Variants in PRIMA1 observed in about 807,000 individuals in gnomAD.
The protein encoded by PRIMA1 is proline-rich membrane anchor 1.
PRIMA1 carries 7 observed loss-of-function variants against 17.5 expected under a neutral mutation model. The ratio of observed to expected loss-of-function variants is 0.40; its 90% CI spans 0.23 to 0.75. The LOEUF (loss-of-function observed/expected upper bound fraction) is 0.75. Ranked by LOEUF, PRIMA1 falls within the 30% of genes least tolerant of loss-of-function variation. The pLI, the probability that PRIMA1 is intolerant of heterozygous loss-of-function variation, is 0.37. For synonymous variants in PRIMA1, 97 were observed against 77.9 expected (o/e 1.25, Z -1.29); for missense variants, 200 against 201.8 (o/e 0.99, Z 0.05).
At chr14:93,758,043 T>G (rs1365424348) in intron 3 of PRIMA1, among the ~76,000 whole-genome samples, 2 of 150,652 alleles carry the variant, frequency 1.3e-5, no homozygotes, top group African/African-American at 4.9e-5. Context: ...TACGGGGGGG[T>G]TCCCATGGAA....
intron 4 of PRIMA1, among the ~76,000 whole-genome samples, chr14:93,731,010 G>C (rs1176596082): frequency 1.3e-5 from 2 of 152,070 alleles, no homozygotes; most frequent in Admixed American, 6.5e-5. Context: ...ACCTGGAGAG[G>C]AGCATGGAGC....
At chr14:93,734,861 G>T (rs1413570858) in intron 4 of PRIMA1, among the ~76,000 whole-genome samples, 3 of 152,150 alleles carry the variant, frequency 2.0e-5, no homozygotes, top group African/African-American at 7.2e-5. Context: ...AGAGCTCAGA[G>T]AAAGTGGAAG....
At chr14:93,747,920 GT>G (rs1419070866) in intron 3 of PRIMA1, among the ~76,000 whole-genome samples, 15 of 43,472 alleles carry the variant, frequency 3.5e-4, no homozygotes, top group African/African-American at 4.5e-4. Context: ...GGGGGACTGT[GT>G]GGAGTGTGAT....
intron 4 of PRIMA1, among the ~76,000 whole-genome samples, chr14:93,721,926 A>G (rs1338803965): frequency 6.6e-6 from 1 of 152,260 alleles, no homozygotes; most frequent in Non-Finnish European, 1.5e-5. Context: ...AGTTAACAGA[A>G]GAGAAGTGCT....
At chr14:93,783,788 C>T (rs1209417792) in intron 2 of PRIMA1, among the ~76,000 whole-genome samples, 2 of 152,150 alleles carry the variant, frequency 1.3e-5, no homozygotes, top group Non-Finnish European at 2.9e-5. Flanking sequence ...GTCCTGGAGT[C>T]CCCTGGATTT....
At chr14:93,731,224 G>T (rs1365628599) in intron 4 of PRIMA1, among the ~76,000 whole-genome samples, 1 of 152,224 alleles carries the variant, frequency 6.6e-6, no homozygotes, top group Non-Finnish European at 1.5e-5. Flanking sequence ...GAAGTATGTT[G>T]TATGTCTGTA....
In PRIMA1 at chr14:93,720,440, G is replaced by A. The variant is rs1021094542; in HGVS notation, c.*1004C>T. On this transcript the variant is annotated 3_prime_UTR_variant, in exon 5 of 5. Coordinates refer to ENST00000393140, the MANE Select transcript of PRIMA1 (RefSeq NM_178013.4). ...TCCTTCTTGGCGACTGGGGCTCGGG[G>A]TAGGGTAAAATGGGGAGATGATGGA... 1 of 152,588 alleles carries A rather than the reference G, an allele frequency of 6.6e-6. No homozygotes were observed. The highest frequency in any genetic ancestry group is 2.1e-4 in the South Asian group (1 of 4,832). 9.5% of individuals were successfully genotyped at this position (152,588 alleles called of 1,614,324 possible).
At chr14:93,782,067 A>C (rs1885392630) in intron 2 of PRIMA1, among the ~76,000 whole-genome samples, 3 of 152,216 alleles carry the variant, frequency 2.0e-5, no homozygotes, top group Admixed American at 2.0e-4. Context: ...GGAGATCGAG[A>C]CCATCCTGGC....
At chr14:93,757,028 C>T (rs2076295271) in intron 3 of PRIMA1, among the ~76,000 whole-genome samples, 1 of 152,166 alleles carries the variant, frequency 6.6e-6, no homozygotes, top group Admixed American at 6.5e-5. Context: ...AAAACCCAAC[C>T]TTTTTATCAT....
At chr14:93,742,104 C>T (rs904767603) in intron 3 of PRIMA1, among the ~76,000 whole-genome samples, 6 of 152,202 alleles carry the variant, frequency 3.9e-5, no homozygotes, top group African/African-American at 1.2e-4. Flanking sequence ...GATGGAGTAA[C>T]AGGGGCCAGA....
chr14:93,769,286 G>A (rs558541390), intron 3 of PRIMA1, among the ~76,000 whole-genome samples: 2 of 152,318 alleles, frequency 1.3e-5, no homozygotes, highest in African/African-American at 4.8e-5. Context: ...CCTCGCATGT[G>A]TGATTTGCAC....
intron 3 of PRIMA1, among the ~76,000 whole-genome samples, chr14:93,764,877 T>C (rs972260056): frequency 6.6e-6 from 1 of 152,186 alleles, no homozygotes; most frequent in African/African-American, 2.4e-5. Flanking sequence ...AAAGTGACTC[T>C]GACGTTTCCT....
intron 3 of PRIMA1, among the ~76,000 whole-genome samples, chr14:93,755,501 C>G (rs2076285295): frequency 1.3e-5 from 2 of 152,110 alleles, no homozygotes; most frequent in Non-Finnish European, 2.9e-5. Context: ...GTAGGAAAAC[C>G]AGAGCCGAGT....
intron 3 of PRIMA1, among the ~76,000 whole-genome samples, chr14:93,740,684 G>A (rs1404690958): frequency 6.6e-6 from 1 of 152,224 alleles, no homozygotes; most frequent in Non-Finnish European, 1.5e-5. Context: ...GCCAGGGGCT[G>A]CCACACCCCC....
At chr14:93,725,737 T>A in intron 4 of PRIMA1, 1 of 345,688 alleles carries the variant, frequency 2.9e-6, no homozygotes, top group Non-Finnish European at 5.7e-6. Context: ...CCATAAATGT[T>A]TGTTAGCTCT....
intron 4 of PRIMA1, among the ~76,000 whole-genome samples, chr14:93,729,328 T>G (rs1345489812): frequency 3.9e-5 from 6 of 152,090 alleles, no homozygotes; most frequent in Admixed American, 3.9e-4. Flanking sequence ...TGATTCTGGG[T>G]TGGATTTGGG....
intron 4 of PRIMA1, among the ~76,000 whole-genome samples, chr14:93,730,553 G>C (rs750718334): frequency 2.0e-5 from 3 of 152,144 alleles, no homozygotes; most frequent in African/African-American, 7.2e-5. Flanking sequence ...CAAGGCCTCA[G>C]TTCCCACATC....
intron 3 of PRIMA1, among the ~76,000 whole-genome samples, chr14:93,751,312 A>G (rs1013900473): frequency 3.3e-5 from 5 of 152,220 alleles, no homozygotes; most frequent in African/African-American, 4.8e-5. Flanking sequence ...GGGGACAACT[A>G]TAGGCTGAAA....
intron 3 of PRIMA1, among the ~76,000 whole-genome samples, chr14:93,737,673 C>T (rs111584294): frequency 1.2e-4 from 18 of 152,340 alleles, no homozygotes; most frequent in African/African-American, 4.1e-4. Flanking sequence ...CACTGGCATC[C>T]ATCACCTGGC....
Sources: gnomAD v4.1 joint callset for allele counts (sites outside exome capture counted in the v4.1 genomes callset) on GRCh38, gnomAD v4.1.1 for gene constraint, MANE v1.5 for transcripts, NCBI Gene and HGNC (gene_info 2026-07-23, HGNC 2026-07-21) for gene names.